Variants in CACHD1 observed in about 807,000 individuals in gnomAD.
CACHD1 encodes the protein cache domain containing 1, also known as VWFA and cache domain-containing protein 1.
Under a neutral mutation model 138.7 loss-of-function variants are expected in CACHD1, and 71 were observed. The ratio of observed to expected loss-of-function variants is 0.51; its 90% CI spans 0.42 to 0.62. CACHD1 has a LOEUF of 0.62. Ranked by LOEUF, CACHD1 falls within the 20% of genes least tolerant of loss-of-function variation. The probability of loss-of-function intolerance (pLI) is 0.00; values close to 1 mark genes in which losing one functional copy is unlikely to be tolerated. For synonymous variants in CACHD1, 578 were observed against 591.5 expected (o/e 0.98, Z 0.33); for missense variants, 1,389 against 1,625.3 (o/e 0.85, Z 2.50).
Position 64,675,334 on chromosome 1 carries a change from T to G in CACHD1, c.2728-67T>G, listed in dbSNP as rs546055011. ...TTTCGTAGGTAGTTGAAGAGTTGTT[T>G]TCACCAAGGTAGGGCTGAGTCTTTG... On this transcript the variant is annotated intron_variant, in intron 19 of 26. Transcript: ENST00000651257. 17 of 1,312,362 alleles carry G rather than the reference T, an allele frequency of 1.3e-5. No individual in the cohort carries two copies. In the South Asian group the frequency reaches 2.5e-4, roughly 19 times the overall value. The allele number at this position is 1,312,362 out of a possible 1,614,324, so 81.3% of individuals were successfully genotyped here.
At chr1:64,487,933 A>G (rs1348030542) in intron 1 of CACHD1, among the ~76,000 whole-genome samples, 6 of 152,204 alleles carry the variant, frequency 3.9e-5, no homozygotes, top group Admixed American at 3.9e-4. Flanking sequence ...AAAATATAAT[A>G]TGTTTTATAG....
At chr1:64,492,607 A>G (rs1646283873) in intron 1 of CACHD1, among the ~76,000 whole-genome samples, 1 of 151,798 alleles carries the variant, frequency 6.6e-6, no homozygotes, top group African/African-American at 2.4e-5. Flanking sequence ...CACGGAAACA[A>G]TAAGCTCCAG....
At position 64,512,835 on chromosome 1, in the gene CACHD1, A is replaced by T. The variant is rs930769925; in HGVS notation, c.199-37759A>T. ...TGCATGTAAGTTTGATATGTGGTTA[A>T]GTTTTTTCTGCCACCATTTAAGTGA... On this transcript the variant is annotated intron_variant, in intron 1 of 26. Transcript: ENST00000651257. Among the ~76,000 whole-genome samples, 3 of 152,264 alleles carry T rather than the reference A, an allele frequency of 2.0e-5. No individual in the cohort carries two copies. In the South Asian group the frequency reaches 6.2e-4, roughly 32 times the overall value.
intron 1 of CACHD1, among the ~76,000 whole-genome samples, chr1:64,533,450 G>A (rs1024857353): frequency 6.6e-6 from 1 of 152,168 alleles, no homozygotes; most frequent in Non-Finnish European, 1.5e-5. Context: ...TCATCCATAT[G>A]TATTTATAGC....
chr1:64,677,003 G>A lies in CACHD1; in HGVS notation c.3084G>A (p.Leu1028=). The A allele has an allele frequency of 6.2e-7, 1 of 1,612,250 alleles. No individual in the cohort carries two copies. Among genetic ancestry groups the A allele is most frequent in the Non-Finnish European group, 8.5e-7 (1 of 1,178,596 alleles). The change falls in exon 22 of 27, where the codon CTG becomes CTA. Residue 1028 remains leucine (L), a synonymous_variant. Transcript: ENST00000651257. ...QCVNSRCSQR[L]ESGDCFGVLD... is the part of the protein sequence containing the mutation. Reference sequence around the variant, plus strand: ...TCAACAGCAGGTGCAGTCAGAGGCTGGAAAGTGGGTAAGCAGAATCTAGTA... The same window carrying A: ...TCAACAGCAGGTGCAGTCAGAGGCTAGAAAGTGGGTAAGCAGAATCTAGTA...
intron 19 of CACHD1, among the ~76,000 whole-genome samples, 154 bp from the exon 20 acceptor site, chr1:64,675,247 C>T (rs1213348673): frequency 6.6e-6 from 1 of 152,126 alleles, no homozygotes; most frequent in African/African-American, 2.4e-5. Context: ...AAATTTTTAA[C>T]AGTGACTATA....
At chr1:64,651,301 C>T (rs972882854) in intron 9 of CACHD1, among the ~76,000 whole-genome samples, 11 of 152,148 alleles carry the variant, frequency 7.2e-5, no homozygotes, top group Non-Finnish European at 1.3e-4. Flanking sequence ...AACTTAATTT[C>T]TCCTTCAGCT....
chr1:64,497,572 A>G (rs1646312960), intron 1 of CACHD1, among the ~76,000 whole-genome samples: 1 of 152,170 alleles, frequency 6.6e-6, no homozygotes. Flanking sequence ...AGGAAAAAAA[A>G]TACCCCAGAG....
chr1:64,476,104 AAGCAGCAGCAGCAGC>A (rs57837863), intron 1 of CACHD1, among the ~76,000 whole-genome samples: 5 of 151,140 alleles, frequency 3.3e-5, no homozygotes, highest in East Asian at 2.0e-4. Context: ...GTCCTGAAGG[AAGCAGCAGCAGCAGC>A]AGCAGCAGCA....
chr1:64,560,435 T>C (rs1393264870), intron 2 of CACHD1, among the ~76,000 whole-genome samples: 2 of 152,126 alleles, frequency 1.3e-5, no homozygotes, highest in African/African-American at 4.8e-5. Flanking sequence ...ATTTTCTGAT[T>C]TCTCTTGTGA....
intron 2 of CACHD1, among the ~76,000 whole-genome samples, chr1:64,581,280 G>A (rs1647010621): frequency 6.6e-6 from 1 of 152,164 alleles, no homozygotes; most frequent in Non-Finnish European, 1.5e-5. Flanking sequence ...ATGACCCAAA[G>A]GAGATGATTA....
At chr1:64,478,605 C>G (rs1335352242) in intron 1 of CACHD1, among the ~76,000 whole-genome samples, 1 of 152,164 alleles carries the variant, frequency 6.6e-6, no homozygotes, top group African/African-American at 2.4e-5. Context: ...AGTGCCTCCC[C>G]CTAAGACCCC....
chr1:64,689,383 A>G (rs1650470876), intron 26 of CACHD1, among the ~76,000 whole-genome samples: 1 of 151,968 alleles, frequency 6.6e-6, no homozygotes, highest in South Asian at 2.1e-4. Flanking sequence ...CCTCACCCCC[A>G]CAGTCCCCCA....
chr1:64,605,564 T>C (rs1170389250), intron 4 of CACHD1, among the ~76,000 whole-genome samples: 2 of 152,122 alleles, frequency 1.3e-5, no homozygotes, highest in Non-Finnish European at 2.9e-5. Flanking sequence ...CTAAGTCTGG[T>C]GTTGAGATTC....
chr1:64,536,887 A>G (rs1419447298), intron 1 of CACHD1, among the ~76,000 whole-genome samples: 2 of 152,182 alleles, frequency 1.3e-5, no homozygotes, highest in African/African-American at 2.4e-5. Context: ...TGATAAATCT[A>G]TTCTGTCTCT....
intron 2 of CACHD1, among the ~76,000 whole-genome samples, chr1:64,564,605 C>G (rs151063993): frequency 1.9e-3 from 289 of 152,222 alleles, no homozygotes; most frequent in African/African-American, 6.6e-3. Context: ...TTTTCTCTCC[C>G]CTGCAGTGTG....
At chr1:64,649,836 G>A (rs1251211654) in intron 9 of CACHD1, among the ~76,000 whole-genome samples, 1 of 152,130 alleles carries the variant, frequency 6.6e-6, no homozygotes, top group East Asian at 1.9e-4. Context: ...TGAATCCTGT[G>A]CAGTGGATTT....
chr1:64,521,073 AG>A (rs1259453809), intron 1 of CACHD1, among the ~76,000 whole-genome samples: 1 of 152,240 alleles, frequency 6.6e-6, no homozygotes, highest in Admixed American at 6.5e-5. Flanking sequence ...TTCTCTGCTC[AG>A]GGTCTCACTG....
At chr1:64,650,884 A>T (rs977585955) in intron 9 of CACHD1, among the ~76,000 whole-genome samples, 3 of 152,160 alleles carry the variant, frequency 2.0e-5, no homozygotes, top group African/African-American at 7.2e-5. Flanking sequence ...GGGATCGTAA[A>T]GATCATTTTA....
Sources: allele counts gnomAD v4.1 joint callset (sites outside exome capture counted in the v4.1 genomes callset), GRCh38; gene constraint gnomAD v4.1.1; transcripts MANE v1.5; gene names NCBI Gene and HGNC (gene_info 2026-07-23, HGNC 2026-07-21).